Variants in C5orf52 observed in about 807,000 individuals in gnomAD.
C5orf52 encodes the protein chromosome 5 open reading frame 52, also known as uncharacterized protein C5orf52.
A neutral mutation model predicts 16.8 loss-of-function variants in C5orf52; 15 were observed. The observed-to-expected ratio is 0.89, with a 90% CI of 0.60 to 1.38. The LOEUF is 1.38. Ranked by LOEUF, C5orf52 falls within the 40% of genes most tolerant of loss-of-function variation. The pLI is 0.00. For synonymous variants in C5orf52, 83 were observed against 87.2 expected, an observed-to-expected ratio of 0.95 and a Z score of 0.27; for missense variants, 206 against 213.1, an observed-to-expected ratio of 0.97 and a Z score of 0.21.
intron 1 of C5orf52, among the ~76,000 whole-genome samples, chr5:157,673,422 T>C (rs1349063265): frequency 1.3e-5 from 2 of 152,100 alleles, no homozygotes; most frequent in Non-Finnish European, 2.9e-5. Flanking sequence ...TTTTGGTGCA[T>C]TTTGTTCAGG....
upstream of C5orf52, chr5:157,671,382 C>T: frequency 3.6e-6 from 2 of 551,728 alleles, no homozygotes; most frequent in Non-Finnish European, 6.5e-6. Flanking sequence ...CGCCGGGTCT[C>T]ACCACGGCGG....
chr5:157,671,528 G>C, upstream of C5orf52: 1 of 1,131,166 alleles, frequency 8.8e-7, no homozygotes, highest in Non-Finnish European at 1.3e-6. Context: ...TCCGCCCAGG[G>C]ACTCACTCCG....
chr5:157,677,611 A>G (rs1310379338), intron 2 of C5orf52, among the ~76,000 whole-genome samples: 2 of 150,436 alleles, frequency 1.3e-5, no homozygotes, highest in Non-Finnish European at 3.0e-5. Context: ...CCAATATCGC[A>G]TAATTGCACT....
intron 2 of C5orf52, among the ~76,000 whole-genome samples, chr5:157,676,362 C>T (rs1375936563): frequency 2.6e-5 from 4 of 152,076 alleles, no homozygotes; most frequent in African/African-American, 9.7e-5. Flanking sequence ...AGTGAGCCAC[C>T]ACGCACAGCT....
chr5:157,672,339 AAC>A (rs2113864210), intron 1 of C5orf52, among the ~76,000 whole-genome samples: 1 of 152,022 alleles, frequency 6.6e-6, no homozygotes, highest in African/African-American at 2.4e-5. Context: ...CCATTCCACA[AAC>A]CCCCCTCACT....
chr5:157,678,986 T>C (rs1294388906), intron 2 of C5orf52, among the ~76,000 whole-genome samples: 2 of 151,884 alleles, frequency 1.3e-5, no homozygotes, highest in East Asian at 3.9e-4. Flanking sequence ...TACAAAAAAT[T>C]AGCCAGGTGT....
At chr5:157,678,905 C>T (rs539397251) in intron 2 of C5orf52, among the ~76,000 whole-genome samples, 10 of 151,968 alleles carry the variant, frequency 6.6e-5, no homozygotes, top group East Asian at 2.0e-4. Flanking sequence ...GAGGCCGAAG[C>T]GGGTGGATCA....
chr5:157,677,429 G>A (rs1399557478), intron 2 of C5orf52, among the ~76,000 whole-genome samples: 1 of 152,098 alleles, frequency 6.6e-6, no homozygotes, highest in Non-Finnish European at 1.5e-5. Context: ...GCCGAGGCGG[G>A]CGGATCACCT....
chr5:157,672,097 C>T (rs539020826), intron 1 of C5orf52, among the ~76,000 whole-genome samples: 9 of 152,338 alleles, frequency 5.9e-5, no homozygotes, highest in Admixed American at 4.6e-4. Flanking sequence ...CTGACATTTT[C>T]TCAGAATCGG....
intron 1 of C5orf52, among the ~76,000 whole-genome samples, chr5:157,673,145 C>T (rs1364813350): frequency 6.6e-6 from 1 of 151,814 alleles, no homozygotes; most frequent in African/African-American, 2.4e-5. Context: ...CGAGACCAGT[C>T]AGGTCAACAT....
At chr5:157,678,732 A>G (rs1415106032) in intron 2 of C5orf52, among the ~76,000 whole-genome samples, 2 of 152,092 alleles carry the variant, frequency 1.3e-5, no homozygotes, top group Admixed American at 6.6e-5. Flanking sequence ...AAGTGCTGGG[A>G]TTACAGATGT....
In C5orf52 at chr5:157,671,572, C is replaced by A; in HGVS notation, c.-43C>A. The A allele has an allele frequency of 6.7e-7, 1 of 1,503,144 alleles. No homozygotes were observed. Among genetic ancestry groups the A allele is most frequent in the Non-Finnish European group, 9.0e-7 (1 of 1,116,124 alleles). The allele number at this position is 1,503,144 out of a possible 1,614,324, so 93.1% of individuals were successfully genotyped here. On this transcript the variant is annotated 5_prime_UTR_variant, in exon 1 of 3. Coordinates refer to ENST00000409999, the MANE Select transcript of C5orf52 (RefSeq NM_001145132.2). ...CGCGCCCACCTAGGTGGGCTGGCAA[C>A]CAGCCACCAGTTTCCAACTCTTTCT...
chr5:157,675,329 A>G (rs1333261449), intron 2 of C5orf52, 129 bp downstream of exon 2: 1 of 605,360 alleles, frequency 1.7e-6, no homozygotes, highest in East Asian at 2.8e-5. Context: ...GGCAGGCCCC[A>G]TTTTACAGAG....
Position 157,679,857 on chromosome 5 carries a change from A to G in C5orf52, c.338A>G (p.Lys113Arg). 6.4e-7 allele frequency: 1 copy of G among 1,551,102 alleles called. No individual in the cohort carries two copies. The highest frequency in any genetic ancestry group is 8.7e-7 in the Non-Finnish European group (1 of 1,146,884). The change falls in exon 3 of 3, where the codon AAG (lysine) becomes AGG (arginine). Residue 113 changes from lysine to arginine, a missense_variant. Physicochemically the swap from Lys to Arg is conservative, Grantham distance 26 (BLOSUM62 2). Coordinates refer to ENST00000409999, the MANE Select transcript of C5orf52 (RefSeq NM_001145132.2). ...IYEMEVSALEKTKKKISHYYE... is the reference protein window; with the variant it reads ...IYEMEVSALERTKKKISHYYE... ...TTTTGTAAGGTGAGCGCTTTAGAGA[A>G]GACCAAGAAAAAGATCAGCCACTAC...
chr5:157,675,141 C>A lies in C5orf52; in HGVS notation c.262C>A (p.His88Asn), dbSNP rs760891521. The A allele has an allele frequency of 6.4e-7, 1 of 1,551,608 alleles. No individual in the cohort carries two copies. The change falls in exon 2 of 3, where the codon CAT (histidine) becomes AAT (asparagine). Residue 88 changes from histidine (H) to asparagine (N), a missense_variant. Transcript: ENST00000409999. Reference sequence around the variant, plus strand: ...GATGAAAAAAACTTTACCCAAGAGCCATTTATCTCGGGTGATTATTCATGA... The same window carrying A: ...GATGAAAAAAACTTTACCCAAGAGCAATTTATCTCGGGTGATTATTCATGA... ...AAMKKTLPKS[H>N]LSRVIIHDNR...
chr5:157,671,692 C>A lies in C5orf52; in HGVS notation c.78C>A (p.Thr26=). The change falls in exon 1 of 3, where the codon ACC becomes ACA. Residue 26 remains threonine (T), a synonymous_variant. Transcript: ENST00000409999. ...STIGGTAAQA[T]TSSSATSGSN... is the part of the protein sequence containing the mutation. ...TCGGCGGGACCGCCGCCCAGGCGACCACCAGTTCCAGCGCCACCTCGGGTT... is the reference window on the plus strand; with the variant it reads ...TCGGCGGGACCGCCGCCCAGGCGACAACCAGTTCCAGCGCCACCTCGGGTT... The A allele has an allele frequency of 6.4e-7, 1 of 1,551,418 alleles. No homozygotes were observed. The highest frequency in any genetic ancestry group is 8.7e-7 in the Non-Finnish European group (1 of 1,146,908).
chr5:157,671,519 CCGCCCAGGGACTCA>C, exon 1 of C5orf52: 2 of 1,059,474 alleles, frequency 1.9e-6, no homozygotes, highest in Non-Finnish European at 2.7e-6. Flanking sequence ...GTTCAGGGCT[CCGCCCAGGGACTCA>C]CTCCGCGTCA....
chr5:157,678,961 C>T (rs896472099), intron 2 of C5orf52, among the ~76,000 whole-genome samples: 4 of 151,684 alleles, frequency 2.6e-5, no homozygotes, highest in African/African-American at 9.7e-5. Flanking sequence ...GGTGAAACCC[C>T]GTCTCTACTA....
At chr5:157,676,871 C>CT (rs35620575) in intron 2 of C5orf52, among the ~76,000 whole-genome samples, 1,820 of 97,074 alleles carry the variant, frequency 0.019, 58 homozygotes, top group African/African-American at 0.06. Flanking sequence ...CTTTTTTTTT[C>CT]TTTTTTTTTT....
Sources: allele counts gnomAD v4.1 joint callset (sites outside exome capture counted in the v4.1 genomes callset), GRCh38; gene constraint gnomAD v4.1.1; transcripts MANE v1.5; gene names NCBI Gene and HGNC (gene_info 2026-07-23, HGNC 2026-07-21).